The following PDE8B variants were observed in gnomAD, a reference collection of about 807,000 sequenced individuals.
The protein encoded by PDE8B is high affinity cAMP-specific and IBMX-insensitive 3',5'-cyclic phosphodiesterase 8B.
In PDE8B, 26 loss-of-function variants were observed where a neutral mutation model predicts 101.3. The ratio of observed to expected loss-of-function variants is 0.26; its 90% CI spans 0.19 to 0.36. The LOEUF is 0.36. PDE8B is among the 10% of genes least tolerant of loss of function. The pLI is 1.00. For synonymous variants in PDE8B, 424 were observed against 429.3 expected, an observed-to-expected ratio of 0.99 and a Z score of 0.15; for missense variants, 810 against 1,163.1, an observed-to-expected ratio of 0.70 and a Z score of 4.42.
intron 6 of PDE8B, among the ~76,000 whole-genome samples, chr5:77,342,095 C>A (rs1779306126): frequency 6.6e-6 from 1 of 152,108 alleles, no homozygotes; most frequent in Non-Finnish European, 1.5e-5. Flanking sequence ...GAATACAGTT[C>A]TTGGTTTGAC....
chr5:77,349,544 C>T lies in PDE8B; in HGVS notation c.1002C>T (p.Cys334=), dbSNP rs1165177865. ...RADLLDTINT[C]IKKGKEWQGV... ...ACCTTCTCGACACCATCAATACATGCATCAAGAAGGGAAAGGTGGGTTACA... is the reference window on the plus strand; with the variant it reads ...ACCTTCTCGACACCATCAATACATGTATCAAGAAGGGAAAGGTGGGTTACA... Residue 334 remains cysteine, a synonymous_variant, in exon 8 of 22, where the codon TGC becomes TGT. Transcript: ENST00000264917. 1 of 1,614,168 alleles carries T rather than the reference C, an allele frequency of 6.2e-7. No homozygotes were observed. The highest frequency in any genetic ancestry group is 1.7e-5 in the Admixed American group (1 of 60,032).
At chr5:77,387,068 A>G (rs960076539) in intron 10 of PDE8B, among the ~76,000 whole-genome samples, 1 of 150,762 alleles carries the variant, frequency 6.6e-6, no homozygotes, top group Admixed American at 6.6e-5. Flanking sequence ...TATTTTTAGT[A>G]GAGACGGGGT....
the PDE8B span, among the ~76,000 whole-genome samples, chr5:77,115,802 C>T: frequency 3.3e-5 from 5 of 152,134 alleles, no homozygotes; most frequent in African/African-American, 9.7e-5. Context: ...ACCCTCTTGA[C>T]GCTGGAGGTA....
At chr5:77,406,433 C>T (rs192779862) in intron 12 of PDE8B, among the ~76,000 whole-genome samples, 43 of 152,224 alleles carry the variant, frequency 2.8e-4, no homozygotes, top group African/African-American at 4.3e-4. Flanking sequence ...ATGGATTGAG[C>T]GGATAGATAG....
At chr5:77,105,425 A>G in the PDE8B span, 1 of 152,200 alleles carries the variant, frequency 6.6e-6, no homozygotes, top group African/African-American at 2.4e-5. Context: ...GCCTCGCCAT[A>G]AGCTAATTTA....
chr5:77,414,959 C>A (rs528800957), intron 17 of PDE8B, among the ~76,000 whole-genome samples: 1 of 152,184 alleles, frequency 6.6e-6, no homozygotes, highest in Admixed American at 6.5e-5. Flanking sequence ...TATCCTCCTC[C>A]AAAATATATT....
intron 3 of PDE8B, among the ~76,000 whole-genome samples, chr5:77,326,579 A>G (rs1394802593): frequency 1.3e-5 from 2 of 152,158 alleles, no homozygotes; most frequent in Non-Finnish European, 2.9e-5. Flanking sequence ...CCAAAGAAGA[A>G]TTTTTCTTAA....
intron 2 of PDE8B, among the ~76,000 whole-genome samples, chr5:77,323,418 G>A (rs1775450839): frequency 6.6e-6 from 1 of 152,084 alleles, no homozygotes; most frequent in Non-Finnish European, 1.5e-5. Context: ...TTATTGGGGA[G>A]GTTTAGATAT....
intron 5 of PDE8B, among the ~76,000 whole-genome samples, chr5:77,335,536 T>G (rs1181694076): frequency 2.7e-5 from 2 of 73,364 alleles, no homozygotes; most frequent in African/African-American, 1.5e-4. Flanking sequence ...ATGTGGGGTG[T>G]GTGTGTGTGT....
At chr5:77,364,904 A>G (rs760278155) in intron 10 of PDE8B, among the ~76,000 whole-genome samples, 57 of 152,216 alleles carry the variant, frequency 3.7e-4, no homozygotes, top group Non-Finnish European at 7.1e-4. Context: ...GTTTGTGAGA[A>G]GGTTTCAGAT....
chr5:77,414,587 A>ATTT (rs35794220), intron 17 of PDE8B, among the ~76,000 whole-genome samples: 2 of 139,466 alleles, frequency 1.4e-5, no homozygotes, highest in Non-Finnish European at 3.1e-5. Flanking sequence ...TGCCCAGCCG[A>ATTT]TTTTTTTTTT....
the PDE8B span, among the ~76,000 whole-genome samples, chr5:77,191,357 C>CT: frequency 0.021 from 3,089 of 145,760 alleles, 102 homozygotes; most frequent in African/African-American, 0.069. Context: ...TAAAACATAT[C>CT]TTTTTTTTTT....
the PDE8B span, among the ~76,000 whole-genome samples, chr5:77,132,736 C>G: frequency 6.6e-6 from 1 of 152,272 alleles, no homozygotes; most frequent in African/African-American, 2.4e-5. Flanking sequence ...ACTGGATTTC[C>G]TATGTTTTCT....
At chr5:77,165,992 GAAAA>G in the PDE8B span, among the ~76,000 whole-genome samples, 1 of 117,802 alleles carries the variant, frequency 8.5e-6, no homozygotes, top group African/African-American at 2.9e-5. Flanking sequence ...AAAAAAAAAA[GAAAA>G]AGAAAAAAAA....
chr5:77,154,053 G>C, the PDE8B span, among the ~76,000 whole-genome samples: 1 of 152,154 alleles, frequency 6.6e-6, no homozygotes, highest in East Asian at 1.9e-4. Flanking sequence ...TGCTAAGGAA[G>C]AAACATTTCA....
the PDE8B span, among the ~76,000 whole-genome samples, chr5:77,131,486 G>A: frequency 0.76 from 115,059 of 152,124 alleles, 44,156 homozygotes; most frequent in East Asian, 0.95. Context: ...ACCCAAGAAA[G>A]TGGGTTTGGA....
intron 1 of PDE8B, among the ~76,000 whole-genome samples, chr5:77,266,362 G>C (rs922002788): frequency 6.6e-6 from 1 of 152,188 alleles, no homozygotes; most frequent in Non-Finnish European, 1.5e-5. Flanking sequence ...AATGTGCCAA[G>C]TTTTTCACAT....
chr5:77,423,973 G>A (rs558235220), intron 20 of PDE8B, among the ~76,000 whole-genome samples: 2 of 151,878 alleles, frequency 1.3e-5, no homozygotes, highest in Non-Finnish European at 2.9e-5. Flanking sequence ...GGCTGCTTGT[G>A]TGTCGTCTTT....
intron 1 of PDE8B, among the ~76,000 whole-genome samples, chr5:77,303,166 T>C (rs1770359295): frequency 6.6e-6 from 1 of 152,182 alleles, no homozygotes; most frequent in African/African-American, 2.4e-5. Flanking sequence ...TTTCCATTTA[T>C]TTGGAAATAT....
Sources: allele counts gnomAD v4.1 joint callset (sites outside exome capture counted in the v4.1 genomes callset), GRCh38; gene constraint gnomAD v4.1.1; transcripts MANE v1.5; gene names NCBI Gene and HGNC (gene_info 2026-07-23, HGNC 2026-07-21).